The following MTRR variants were observed in gnomAD, a reference collection of about 807,000 sequenced individuals.
MTRR encodes methionine synthase reductase.
In MTRR, 63 loss-of-function variants were observed where a neutral mutation model predicts 79.2. The ratio of observed to expected loss-of-function variants is 0.80; its 90% CI spans 0.65 to 0.98. The LOEUF is 0.98. Ranked by LOEUF, MTRR falls within the 50% of genes least tolerant of loss-of-function variation. The pLI is 0.00. For synonymous variants in MTRR, 355 were observed against 313.3 expected (o/e 1.13, Z -1.41); for missense variants, 895 against 839.6 (o/e 1.07, Z -0.82).
chr5:7,869,330 C>T, intron 1 of MTRR, 115 bp downstream of exon 1: 2 of 1,282,302 alleles, frequency 1.6e-6, no homozygotes, highest in African/African-American at 1.5e-5. Context: ...GTGGTTCCCA[C>T]GCCCTTCGGC....
chr5:7,858,466 T>C (rs1410900364), intron 1 of MTRR, among the ~76,000 whole-genome samples: 1 of 152,142 alleles, frequency 6.6e-6, no homozygotes. Context: ...TTGCTTCCAT[T>C]GCCTCTCTCT....
chr5:7,884,477 G>A (rs1346368856), intron 6 of MTRR, among the ~76,000 whole-genome samples: 1 of 152,094 alleles, frequency 6.6e-6, no homozygotes, highest in African/African-American at 2.4e-5. Context: ...TTGCTATACT[G>A]TATTTTTAAG....
At chr5:7,881,565 C>T (rs568895671) in intron 5 of MTRR, among the ~76,000 whole-genome samples, 1 of 152,178 alleles carries the variant, frequency 6.6e-6, no homozygotes, top group South Asian at 2.1e-4. Flanking sequence ...TCTGGGTAGT[C>T]AAGATTTTTA....
intron 1 of MTRR, among the ~76,000 whole-genome samples, chr5:7,851,910 C>T (rs1746089748): frequency 6.6e-6 from 1 of 152,174 alleles, no homozygotes; most frequent in African/African-American, 2.4e-5. Flanking sequence ...ATGACCAAGG[C>T]TTGGGAAATG....
At chr5:7,896,767 A>G in intron 12 of MTRR, 97 bp from the exon 13 acceptor site, 2 of 950,370 alleles carry the variant, frequency 2.1e-6, no homozygotes, top group Non-Finnish European at 3.4e-6. Context: ...GGATTTTACA[A>G]ATCCGTCTGA....
At chr5:7,854,715 T>C (rs1746187060) in intron 1 of MTRR, among the ~76,000 whole-genome samples, 1 of 152,120 alleles carries the variant, frequency 6.6e-6, no homozygotes, top group Non-Finnish European at 1.5e-5. Flanking sequence ...ACATGAGAAT[T>C]ATGGAGATTT....
At chr5:7,884,007 T>C (rs564067288) in intron 6 of MTRR, among the ~76,000 whole-genome samples, 65 of 152,048 alleles carry the variant, frequency 4.3e-4, no homozygotes, top group Non-Finnish European at 7.9e-4. Context: ...TACAAAAAAA[T>C]ACAATAAGTA....
intron 14 of MTRR, 34 bp from the exon 15 acceptor site, chr5:7,899,876 CTGTT>C (rs751353631): frequency 7.4e-6 from 12 of 1,613,522 alleles, no homozygotes; most frequent in Middle Eastern, 1.7e-4. Context: ...CTAAAAATGC[CTGTT>C]TGTAAGCAGT....
intron 11 of MTRR, 92 bp downstream of exon 11, chr5:7,893,005 A>G: frequency 2.8e-6 from 4 of 1,413,092 alleles, no homozygotes; most frequent in Non-Finnish European, 3.9e-6. Flanking sequence ...ATCATTCATT[A>G]CTGTCATAAG....
chr5:7,879,552 A>G (rs1252586550), intron 5 of MTRR, among the ~76,000 whole-genome samples: 1 of 152,134 alleles, frequency 6.6e-6, no homozygotes, highest in Non-Finnish European at 1.5e-5. Flanking sequence ...ATGTAGTTAA[A>G]AGATTTAACA....
chr5:7,856,144 A>C (rs888007434), intron 1 of MTRR, among the ~76,000 whole-genome samples: 3 of 152,182 alleles, frequency 2.0e-5, no homozygotes, highest in Admixed American at 2.0e-4. Flanking sequence ...AGGTCCCTCA[A>C]AGGGAAAAGA....
intron 2 of MTRR, among the ~76,000 whole-genome samples, chr5:7,871,705 A>G (rs1174252488): frequency 6.6e-6 from 1 of 152,194 alleles, no homozygotes; most frequent in African/African-American, 2.4e-5. Context: ...GTGCAGCTCA[A>G]GTGAATTATA....
In MTRR at chr5:7,886,644, G is replaced by C. The variant is rs1270557531; in HGVS notation, c.1087G>C (p.Gly363Arg). 6.2e-7 allele frequency: 1 copy of C among 1,613,884 alleles called. No individual in the cohort carries two copies. Among genetic ancestry groups the C allele is most frequent in the East Asian group, 2.2e-5 (1 of 44,856 alleles). The change falls in exon 8 of 15, where the codon GGA (glycine) becomes CGA (arginine). Residue 363 changes from glycine (G) to arginine (R), a missense_variant. Transcript: ENST00000440940. ...TACCTTACCCCAGCATATACCTGCG[G>C]GATGTTCTCTCCAGTTCATTTTTAC... ...GATLPQHIPA[G>R]CSLQFIFTWC... is the part of the protein sequence containing the mutation.
chr5:7,859,372 C>A (rs1746370439), intron 1 of MTRR: 2 of 994,412 alleles, frequency 2.0e-6, no homozygotes, highest in African/African-American at 3.3e-5. Context: ...TTATATTTTT[C>A]TTTTAATACT....
rs1397666505 is a variant in MTRR at position 7,878,228 on chromosome 5, C to G, written c.686C>G (p.Thr229Ser). 9 of 1,614,190 alleles carry G rather than the reference C, an allele frequency of 5.6e-6. No individual in the cohort carries two copies. The East Asian group carries it at 1.1e-4, about 20-fold the overall frequency. Reference protein sequence around the residue: ...VVIEDFESSLTRSVPPLSQAS... With the variant: ...VVIEDFESSLSRSVPPLSQAS... ...ATTGAAGACTTTGAGTCCTCACTTACCCGTTCGGTACCCCCACTCTCACAA... is the reference window on the plus strand; with the variant it reads ...ATTGAAGACTTTGAGTCCTCACTTAGCCGTTCGGTACCCCCACTCTCACAA... Residue 229 changes from threonine to serine, a missense_variant, in exon 5 of 15, where the codon ACC (threonine) becomes AGC (serine). By Grantham distance (58) the Thr-to-Ser change is moderately conservative. Transcript: ENST00000440940.
rs750381895 is a variant in MTRR at position 7,886,643 on chromosome 5, G to A, written c.1086G>A (p.Ala362=). ...CTACCTTACCCCAGCATATACCTGCGGGATGTTCTCTCCAGTTCATTTTTA... is the reference window on the plus strand; with the variant it reads ...CTACCTTACCCCAGCATATACCTGCAGGATGTTCTCTCCAGTTCATTTTTA... ...KGATLPQHIP[A]GCSLQFIFTW... The change falls in exon 8 of 15, where the codon GCG becomes GCA. Residue 362 remains alanine (A), a synonymous_variant. Transcript: ENST00000440940. 46 of 1,613,720 alleles carry A rather than the reference G, an allele frequency of 2.9e-5. No homozygotes were observed. Among genetic ancestry groups the A allele is most frequent in the South Asian group, 6.6e-5 (6 of 91,074 alleles).
At chr5:7,872,698 T>G (rs112594114) in intron 2 of MTRR, among the ~76,000 whole-genome samples, 1 of 152,230 alleles carries the variant, frequency 6.6e-6, no homozygotes, top group African/African-American at 2.4e-5. Context: ...AGAGCTGTTG[T>G]GTTTTTATTG....
intron 11 of MTRR, among the ~76,000 whole-genome samples, chr5:7,894,954 A>G (rs534349553): frequency 6.6e-6 from 1 of 152,348 alleles, no homozygotes; most frequent in African/African-American, 2.4e-5. Context: ...CAGTAATGAG[A>G]CACAGCTTTG....
intron 1 of MTRR, among the ~76,000 whole-genome samples, chr5:7,853,871 G>A (rs1746146786): frequency 6.6e-6 from 1 of 152,150 alleles, no homozygotes; most frequent in African/African-American, 2.4e-5. Context: ...ACAGGGGCAT[G>A]TACTGGAGGT....
Sources: allele counts gnomAD v4.1 joint callset (sites outside exome capture counted in the v4.1 genomes callset), GRCh38; gene constraint gnomAD v4.1.1; transcripts MANE v1.5; gene names NCBI Gene and HGNC (gene_info 2026-07-23, HGNC 2026-07-21).